The following F10 variants were observed in gnomAD, a reference collection of about 807,000 sequenced individuals.
F10 encodes the protein coagulation factor X.
In F10, 29 loss-of-function variants were observed where a neutral mutation model predicts 37.1. That is an observed-to-expected ratio of 0.78 (90% confidence interval 0.58 to 1.07). The LOEUF (loss-of-function observed/expected upper bound fraction) is 1.07, where lower values mean the gene tolerates loss of function less well. Ranked by LOEUF, F10 falls within the 50% of genes least tolerant of loss-of-function variation. F10 has a pLI of 0.00. For missense variants in F10, 539 were observed against 667.9 expected, an observed-to-expected ratio of 0.81 and a Z score of 2.13; for synonymous variants, 262 against 268.6, an observed-to-expected ratio of 0.98 and a Z score of 0.24.
intron 4 of F10, 64 bp from the exon 5 acceptor site, chr13:113,140,855 C>T (rs1794541995): frequency 4.3e-6 from 7 of 1,612,186 alleles, no homozygotes; most frequent in Non-Finnish European, 5.9e-6. Flanking sequence ...AGCTGGCACC[C>T]TTGGGCCAGC....
At chr13:113,123,412 C>T (rs527261228) in intron 1 of F10, among the ~76,000 whole-genome samples, 57 of 152,168 alleles carry the variant, frequency 3.7e-4, no homozygotes, top group Non-Finnish European at 7.1e-4. Context: ...CTGGCTCCGT[C>T]GGGGAAGGAG....
intron 5 of F10, among the ~76,000 whole-genome samples, chr13:113,142,503 G>C (rs2138546349): frequency 7.1e-6 from 1 of 140,770 alleles, no homozygotes; most frequent in South Asian, 2.2e-4. Context: ...TGAGCACTGA[G>C]CCGAGATTGC....
At chr13:113,123,458 G>C (rs1292101514) in intron 1 of F10, among the ~76,000 whole-genome samples, 2 of 152,172 alleles carry the variant, frequency 1.3e-5, no homozygotes, top group Non-Finnish European at 2.9e-5. Flanking sequence ...GGGGGCAGCA[G>C]GGCTGTCCAG....
rs1041038855 is a variant in F10, at chr13:113,146,335, C to A, written c.748-1044C>A. Among the ~76,000 whole-genome samples, 1 of 152,088 alleles carries A rather than the reference C, an allele frequency of 6.6e-6. No individual in the cohort carries two copies. The highest frequency in any genetic ancestry group is 1.5e-5 in the Non-Finnish European group (1 of 68,022). ...GGGGCAAGAACCTCGATGCAGGAGA[C>A]CCCACCGAGGATGAGCAGGAAAAGC... is the stretch of plus-strand genomic sequence containing the variant. On this transcript the variant is annotated intron_variant, in intron 6 of 7. Coordinates refer to ENST00000375559, the MANE Select transcript of F10 (RefSeq NM_000504.4). The surrounding 1 kb of genome is among the most constrained non-coding windows in gnomAD (Gnocchi z 4.5).
In F10 at chr13:113,129,613, G is replaced by T; in HGVS notation, c.231+1G>T. On this transcript the variant is annotated splice_donor_variant, in intron 2 of 7. Coordinates refer to ENST00000375559, the MANE Select transcript of F10 (RefSeq NM_000504.4). LOFTEE classifies it high-confidence loss of function. ...GGTCTTTGAGGACAGCGACAAGACG[G>T]TAAGGGCTGGGGATAGCCTGGCTGT... The T allele has an allele frequency of 3.7e-6, 6 of 1,614,138 alleles. No homozygotes were observed. Among genetic ancestry groups the T allele is most frequent in the Non-Finnish European group, 5.1e-6 (6 of 1,180,016 alleles).
At chr13:113,142,298 T>G (rs1476974375) in intron 5 of F10, among the ~76,000 whole-genome samples, 1 of 152,120 alleles carries the variant, frequency 6.6e-6, no homozygotes, top group African/African-American at 2.4e-5. Flanking sequence ...TCCCAGCATT[T>G]TGGGAGGCCA....
At chr13:113,140,625 G>A (rs1304032130) in intron 4 of F10, 2 of 617,328 alleles carry the variant, frequency 3.2e-6, no homozygotes, top group Non-Finnish European at 6.2e-6. Context: ...GAGGGATGTG[G>A]AGTGACCGTA....
At position 113,122,911 on chromosome 13, in the gene F10, T is replaced by A; in HGVS notation, c.56T>A (p.Leu19Gln). Residue 19 changes from leucine to glutamine, a missense_variant, in exon 1 of 8, where the codon CTG (leucine) becomes CAG (glutamine). Physicochemically the swap from Leu to Gln is moderately radical, Grantham distance 113. This residue lies in a region of F10 where 130 missense variants were observed against 120.0 expected (regional missense o/e 1.08). Coordinates refer to ENST00000375559, the MANE Select transcript of F10 (RefSeq NM_000504.4). ...LLSASLAGLL[L>Q]LGESLFIRRE... ...AGTGCCTCCCTGGCTGGCCTCCTGC[T>A]GCTCGGGGAAAGTCGTAAGTGCCCC... 2 of 1,610,254 alleles carry A rather than the reference T, an allele frequency of 1.2e-6. No homozygotes were observed. Among genetic ancestry groups the A allele is most frequent in the Middle Eastern group, 1.7e-4 (1 of 6,060 alleles).
intron 2 of F10, chr13:113,131,054 C>A (rs561692200): frequency 9.2e-4 from 140 of 152,328 alleles, no homozygotes; most frequent in African/African-American, 3.2e-3. Flanking sequence ...TCTGAGAAAG[C>A]AGTGTATCAT....
intron 5 of F10, among the ~76,000 whole-genome samples, chr13:113,142,327 G>A (rs949998718): frequency 9.9e-5 from 15 of 151,790 alleles, no homozygotes; most frequent in African/African-American, 3.6e-4. Context: ...GGATCATGAG[G>A]TCAGGAGATC....
At chr13:113,145,285 C>T (rs1279709156) in intron 6 of F10, among the ~76,000 whole-genome samples, 1 of 152,206 alleles carries the variant, frequency 6.6e-6, no homozygotes, top group African/African-American at 2.4e-5. Context: ...CTCAGCCACC[C>T]AAAGTGCTGG....
At position 113,144,542 on chromosome 13, in the gene F10, C is replaced by T. The variant is rs1156598441; in HGVS notation, c.747+447C>T. Reference sequence around the variant, plus strand: ...GGGCAGGAGGACGGTGCCGGGTGGGCAAGGCCTCCATCTGCTCTTCTGTTT... The same window carrying T: ...GGGCAGGAGGACGGTGCCGGGTGGGTAAGGCCTCCATCTGCTCTTCTGTTT... On this transcript the variant is annotated intron_variant, in intron 6 of 7. Coordinates refer to ENST00000375559, the MANE Select transcript of F10 (RefSeq NM_000504.4). The surrounding 1 kb of genome is among the most constrained non-coding windows in gnomAD (Gnocchi z 6.4). 6.6e-6 allele frequency among the ~76,000 whole-genome samples: 1 copy of T among 152,264 alleles called. No individual in the cohort carries two copies. The highest frequency in any genetic ancestry group is 1.9e-4 in the East Asian group (1 of 5,196).
rs2036583648 is a variant in F10 at position 113,146,446 on chromosome 13, C to T, written c.748-933C>T. Reference sequence around the variant, plus strand: ...GGCTGGGGGACCAGGGTGGGGCGCCCTGGAGGGCTCACTGGAGGGGCCCTC... The same window carrying T: ...GGCTGGGGGACCAGGGTGGGGCGCCTTGGAGGGCTCACTGGAGGGGCCCTC... On this transcript the variant is annotated intron_variant, in intron 6 of 7. Coordinates refer to ENST00000375559, the MANE Select transcript of F10 (RefSeq NM_000504.4). This position sits in a 1 kb window ranked among gnomAD's most constrained non-coding sequence, Gnocchi z 4.5. Among the ~76,000 whole-genome samples the T allele has an allele frequency of 6.6e-6, 1 of 152,140 alleles. No individual in the cohort carries two copies. The highest frequency in any genetic ancestry group is 1.5e-5 in the Non-Finnish European group (1 of 68,016).
chr13:113,127,820 C>CAAAG (rs3211732), intron 1 of F10, among the ~76,000 whole-genome samples: 319 of 152,298 alleles, frequency 2.1e-3, no homozygotes, highest in African/African-American at 7.5e-3. Flanking sequence ...CCCCACATAA[C>CAAAG]AAAGAGCAGA....
chr13:113,133,507 G>A (rs513101), intron 2 of F10, among the ~76,000 whole-genome samples: 121,125 of 152,128 alleles, frequency 0.8, 48,725 homozygotes, highest in East Asian at 0.89. Flanking sequence ...CATACACAAG[G>A]TGAAAGAGAT....
chr13:113,144,012 C>G lies in F10; in HGVS notation c.664C>G (p.Gln222Glu), dbSNP rs1422792810. ...CCCCTTCGACCTGCTTGACTTCAAC[C>G]AGACGCAGCCTGAGAGGGGCGACAA... ...ENPFDLLDFNQTQPERGDNNL... is the reference protein window; with the variant it reads ...ENPFDLLDFNETQPERGDNNL... The change falls in exon 6 of 8, where the codon CAG (glutamine) becomes GAG (glutamate). Residue 222 changes from glutamine (Q) to glutamate (E), a missense_variant. This residue lies in a region of F10 where 409 missense variants were observed against 547.9 expected (regional missense o/e 0.75). Coordinates refer to ENST00000375559, the MANE Select transcript of F10 (RefSeq NM_000504.4). This position sits in a 1 kb window ranked among gnomAD's most constrained non-coding sequence, Gnocchi z 6.4. 2 of 1,613,814 alleles carry G rather than the reference C, an allele frequency of 1.2e-6. No individual in the cohort carries two copies. Among genetic ancestry groups the G allele is most frequent in the Non-Finnish European group, 1.7e-6 (2 of 1,179,980 alleles).
chr13:113,148,202 G>A (rs1006302298), intron 7 of F10, among the ~76,000 whole-genome samples: 18 of 151,452 alleles, frequency 1.2e-4, no homozygotes, highest in Admixed American at 3.9e-4. Flanking sequence ...ATGGTGGCAC[G>A]GGCCTGTAAT....
chr13:113,146,013 A>C lies in F10; in HGVS notation c.748-1366A>C, dbSNP rs1243337447. ...CCAAAACCAGAATGTCCTCTCCTAC[A>C]AGCAAGAATCTCAGAGCTGCCAGCG... On this transcript the variant is annotated intron_variant, in intron 6 of 7. Transcript: ENST00000375559. The surrounding 1 kb of genome is among the most constrained non-coding windows in gnomAD (Gnocchi z 4.5). 6.6e-6 allele frequency among the ~76,000 whole-genome samples: 1 copy of C among 152,178 alleles called. No individual in the cohort carries two copies. Among genetic ancestry groups the C allele is most frequent in the African/African-American group, 2.4e-5 (1 of 41,442 alleles).
intron 7 of F10, 60 bp downstream of exon 7, chr13:113,147,556 GAAACCACTAAAGCTGATGGAATT>G: frequency 9.8e-7 from 1 of 1,021,684 alleles, no homozygotes. Flanking sequence ...CTGCTTTTCA[GAAACCACTAAAGCTGATGGAATT>G]TGTTGGGAAC....
Sources: allele counts gnomAD v4.1 joint callset (sites outside exome capture counted in the v4.1 genomes callset), GRCh38; gene constraint gnomAD v4.1.1; regional missense constraint gnomAD v4.1.1; non-coding constraint Gnocchi (gnomAD v3.1); transcripts MANE v1.5; gene names NCBI Gene and HGNC (gene_info 2026-07-23, HGNC 2026-07-21).